Variants in DIS3L2 observed in about 807,000 individuals in gnomAD.
DIS3L2 encodes DIS3-like exonuclease 2.
In DIS3L2, 34 loss-of-function variants were observed where a neutral mutation model predicts 97.5. The observed-to-expected ratio is 0.35, with a 90% confidence interval of 0.27 to 0.46. DIS3L2 has a LOEUF of 0.46. Ranked by LOEUF, DIS3L2 falls within the 20% of genes least tolerant of loss-of-function variation. The pLI, the probability that DIS3L2 is intolerant of heterozygous loss-of-function variation, is 1.00. For synonymous variants in DIS3L2, 435 were observed against 445.2 expected, an observed-to-expected ratio of 0.98 and a Z score of 0.29; for missense variants, 1,038 against 1,146.0, an observed-to-expected ratio of 0.91 and a Z score of 1.36.
At chr2:232,012,348 G>A (rs1031086664) in intron 1 of DIS3L2, among the ~76,000 whole-genome samples, 1 of 152,192 alleles carries the variant, frequency 6.6e-6, no homozygotes, top group African/African-American at 2.4e-5. Context: ...GATAACTGCT[G>A]TGAAGGAAAG....
intron 9 of DIS3L2, among the ~76,000 whole-genome samples, chr2:232,181,087 A>G (rs2106183207): frequency 8.3e-6 from 1 of 121,114 alleles, no homozygotes; most frequent in African/African-American, 3.3e-5. Flanking sequence ...GTTTGGCTGG[A>G]TATGAAATTC....
rs2106309618 is a variant in DIS3L2 at position 232,087,665 on chromosome 2, C to T, written c.545C>T (p.Thr182Ile). 1 of 1,614,160 alleles carries T rather than the reference C, an allele frequency of 6.2e-7. No homozygotes were observed. The highest frequency in any genetic ancestry group is 8.5e-7 in the Non-Finnish European group (1 of 1,180,028). Residue 182 changes from threonine (T) to isoleucine (I), a missense_variant, in exon 6 of 21, where the codon ACA (threonine) becomes ATA (isoleucine). Physicochemically the swap from Thr to Ile is moderately conservative, Grantham distance 89 (BLOSUM62 -1). This residue lies in a region of DIS3L2 where 813 missense variants were observed against 880.1 expected (regional missense o/e 0.92). Coordinates refer to ENST00000325385, the MANE Select transcript of DIS3L2 (RefSeq NM_152383.5). ...GSDSEDGHGITQNVLVDGVKK... is the reference protein window; with the variant it reads ...GSDSEDGHGIIQNVLVDGVKK... ...GACTCAGAAGATGGACATGGCATCACACAAAATGTGCTGGTTGATGGTGTT... is the reference window on the plus strand; with the variant it reads ...GACTCAGAAGATGGACATGGCATCATACAAAATGTGCTGGTTGATGGTGTT...
intron 20 of DIS3L2, 177 bp downstream of exon 20, chr2:232,336,051 T>C: frequency 6.5e-7 from 1 of 1,529,724 alleles, no homozygotes; most frequent in South Asian, 1.2e-5. Flanking sequence ...TCCTGCTTTC[T>C]GGCACCACCT....
chr2:232,072,455 G>C (rs1696047486), intron 5 of DIS3L2, among the ~76,000 whole-genome samples: 1 of 152,158 alleles, frequency 6.6e-6, no homozygotes, highest in Admixed American at 6.5e-5. Context: ...CAAAGGGGCT[G>C]AGGTAGAGAA....
chr2:232,291,107 A>T (rs1394193715), intron 13 of DIS3L2, among the ~76,000 whole-genome samples: 1 of 152,228 alleles, frequency 6.6e-6, no homozygotes, highest in African/African-American at 2.4e-5. Context: ...GCTCTCTCCA[A>T]GTCCAAAAAG....
intron 1 of DIS3L2, among the ~76,000 whole-genome samples, chr2:231,964,963 A>G (rs985096559): frequency 6.6e-6 from 1 of 152,192 alleles, no homozygotes; most frequent in Non-Finnish European, 1.5e-5. Context: ...TCCTTTCCTT[A>G]TATTCTTAAG....
At chr2:232,024,749 G>A (rs1266890598) in intron 4 of DIS3L2, among the ~76,000 whole-genome samples, 1 of 151,678 alleles carries the variant, frequency 6.6e-6, no homozygotes, top group African/African-American at 2.4e-5. Context: ...AACGTGTAAT[G>A]CTTTTTTTTT....
intron 9 of DIS3L2, among the ~76,000 whole-genome samples, chr2:232,191,308 A>C (rs1220594993): frequency 6.6e-6 from 1 of 152,212 alleles, no homozygotes; most frequent in African/African-American, 2.4e-5. Flanking sequence ...AGCCTGAGGC[A>C]CATTTTCAAC....
At chr2:232,063,165 C>T (rs1020043576) in intron 5 of DIS3L2, among the ~76,000 whole-genome samples, 9 of 152,168 alleles carry the variant, frequency 5.9e-5, no homozygotes, top group Admixed American at 4.6e-4. Context: ...TCCCCATCCC[C>T]ATTGCACCAT....
At chr2:232,034,328 T>C (rs575796990) in intron 5 of DIS3L2, among the ~76,000 whole-genome samples, 3 of 152,196 alleles carry the variant, frequency 2.0e-5, no homozygotes, top group Non-Finnish European at 4.4e-5. Flanking sequence ...TTTATCATTT[T>C]CTAATGCGTC....
chr2:231,985,141 C>T (rs1329618004), intron 1 of DIS3L2, among the ~76,000 whole-genome samples: 2 of 152,190 alleles, frequency 1.3e-5, no homozygotes, highest in African/African-American at 4.8e-5. Context: ...TGTGTGTGTT[C>T]TGTCACATCT....
Position 232,148,585 on chromosome 2 carries a change from A to C in DIS3L2, c.950+11866A>C, listed in dbSNP as rs191123167. Reference sequence around the variant, plus strand: ...ACTTGGAGTCATTGATCACATTTGGAAACCATAACTAAAATATAATTTTGT... The same window carrying C: ...ACTTGGAGTCATTGATCACATTTGGCAACCATAACTAAAATATAATTTTGT... On this transcript the variant is annotated intron_variant, in intron 8 of 20. Coordinates refer to ENST00000325385, the MANE Select transcript of DIS3L2 (RefSeq NM_152383.5). 1.7e-3 allele frequency among the ~76,000 whole-genome samples: 259 copies of C among 152,266 alleles called. 3 individuals carry two copies. Among genetic ancestry groups the C allele is most frequent in the Non-Finnish European group, 3.2e-4 (22 of 68,024 alleles).
chr2:232,162,363 T>C (rs1574917723), intron 8 of DIS3L2, among the ~76,000 whole-genome samples: 1 of 152,082 alleles, frequency 6.6e-6, no homozygotes, highest in Non-Finnish European at 1.5e-5. Flanking sequence ...GTGTGAGAAA[T>C]GGGGCCAGCC....
At chr2:232,247,289 C>T (rs1179773614) in intron 11 of DIS3L2, among the ~76,000 whole-genome samples, 3 of 152,176 alleles carry the variant, frequency 2.0e-5, no homozygotes, top group Non-Finnish European at 4.4e-5. Flanking sequence ...TTAGCTCAGG[C>T]TCCTATAGTA....
At chr2:232,182,866 C>A (rs1691330880) in intron 9 of DIS3L2, among the ~76,000 whole-genome samples, 2 of 152,184 alleles carry the variant, frequency 1.3e-5, no homozygotes, top group Non-Finnish European at 2.9e-5. Flanking sequence ...TGCCTCCCTT[C>A]ATTTCCAAGG....
chr2:232,006,895 A>C (rs1180491186), intron 1 of DIS3L2, among the ~76,000 whole-genome samples: 3 of 152,214 alleles, frequency 2.0e-5, no homozygotes, highest in African/African-American at 4.8e-5. Flanking sequence ...CCATTATTTA[A>C]GTAGTGAGGA....
intron 5 of DIS3L2, among the ~76,000 whole-genome samples, chr2:232,075,737 T>C (rs1696168114): frequency 6.6e-6 from 1 of 152,194 alleles, no homozygotes; most frequent in Non-Finnish European, 1.5e-5. Context: ...ACCTTGCAAT[T>C]ATTTTTGACC....
At chr2:232,243,113 G>C (rs940919883) in intron 11 of DIS3L2, among the ~76,000 whole-genome samples, 3 of 152,214 alleles carry the variant, frequency 2.0e-5, no homozygotes, top group Non-Finnish European at 2.9e-5. Flanking sequence ...GCCTGGGCTG[G>C]TGGTGGGAGA....
At chr2:231,961,951 C>A (rs1692568313) in intron 1 of DIS3L2, among the ~76,000 whole-genome samples, 186 bp downstream of exon 1, 2 of 152,240 alleles carry the variant, frequency 1.3e-5, no homozygotes, top group South Asian at 4.1e-4. Flanking sequence ...TGTCCCGCAT[C>A]TCCCTCAATG....
Sources: gnomAD v4.1 joint callset for allele counts (sites outside exome capture counted in the v4.1 genomes callset) on GRCh38, gnomAD v4.1.1 for gene constraint, gnomAD v4.1.1 regional missense constraint, MANE v1.5 for transcripts, NCBI Gene and HGNC (gene_info 2026-07-23, HGNC 2026-07-21) for gene names.